The following CAMTA1 variants were observed in gnomAD, a reference collection of about 807,000 sequenced individuals.
The protein encoded by CAMTA1 is calmodulin-binding transcription activator 1.
In CAMTA1, 27 loss-of-function variants were observed where a neutral mutation model predicts 170.9. The observed-to-expected ratio is 0.16, with a 90% CI of 0.12 to 0.22. The LOEUF (loss-of-function observed/expected upper bound fraction) is 0.22. Ranked by LOEUF, CAMTA1 falls within the 10% of genes least tolerant of loss-of-function variation. CAMTA1 has a pLI of 1.00. For missense variants in CAMTA1, 1,619 were observed against 2,217.2 expected, an observed-to-expected ratio of 0.73 and a Z score of 5.42; for synonymous variants, 833 against 891.5, an observed-to-expected ratio of 0.93 and a Z score of 1.17.
At chr1:7,593,344 G>A (rs1202177119) in intron 6 of CAMTA1, among the ~76,000 whole-genome samples, 4 of 152,102 alleles carry the variant, frequency 2.6e-5, no homozygotes, top group African/African-American at 9.7e-5. Flanking sequence ...GTGACCCAGT[G>A]GGAAGAAGTA....
intron 1 of CAMTA1, among the ~76,000 whole-genome samples, chr1:6,812,436 G>T (rs982320725): frequency 6.6e-6 from 1 of 152,186 alleles, no homozygotes; most frequent in Non-Finnish European, 1.5e-5. Context: ...TGCCTAGTTT[G>T]TTGGGTTGAT....
At position 7,673,978 on chromosome 1, in the gene CAMTA1, C is replaced by T. The variant is rs2149249266; in HGVS notation, c.2779+2941C>T. Among the ~76,000 whole-genome samples, 1 of 152,240 alleles carries T rather than the reference C, an allele frequency of 6.6e-6. No homozygotes were observed. Among genetic ancestry groups the T allele is most frequent in the East Asian group, 1.9e-4 (1 of 5,156 alleles). On this transcript the variant is annotated intron_variant, in intron 10 of 22. Coordinates refer to ENST00000303635, the MANE Select transcript of CAMTA1 (RefSeq NM_015215.4). The surrounding 1 kb of genome is among the most constrained non-coding windows in gnomAD (Gnocchi z 4.6). The stretch of plus-strand genomic sequence containing the variant: ...ATGAATCACTGCTCCGGAGATGACG[C>T]TGGCTGCTTGGGGACCTCATCTTTG...
Position 7,655,239 on chromosome 1 carries a change from TAC to T in CAMTA1, c.665-6478_665-6477del, listed in dbSNP as rs556661237. Among the ~76,000 whole-genome samples, 474 of 120,218 alleles carry T rather than the reference TAC, an allele frequency of 3.9e-3. 5 individuals carry two copies. Among genetic ancestry groups the T allele is most frequent in the African/African-American group, 0.015 (433 of 29,854 alleles). 78.9% of individuals were successfully genotyped at this position (120,218 alleles called of 152,430 possible). A position where few individuals can be genotyped will look rare whatever the true frequency, so the allele number is the denominator to read the frequency against. ...ACCCATCTATACACACACACACCTA[TAC>T]ACACACACCTATACACACAGACCCA... On this transcript the variant is annotated intron_variant, in intron 7 of 22. Coordinates refer to ENST00000303635, the MANE Select transcript of CAMTA1 (RefSeq NM_015215.4).
At chr1:6,845,762 A>G (rs1205978083) in intron 3 of CAMTA1, among the ~76,000 whole-genome samples, 2 of 152,240 alleles carry the variant, frequency 1.3e-5, no homozygotes, top group Non-Finnish European at 2.9e-5. Context: ...CTGTTTGTTA[A>G]TGACAGACCT....
At chr1:7,460,593 GCCC>G (rs79831740) in intron 5 of CAMTA1, among the ~76,000 whole-genome samples, 1 of 149,596 alleles carries the variant, frequency 6.7e-6, no homozygotes, top group Non-Finnish European at 1.5e-5. Flanking sequence ...GGCTGTGACT[GCCC>G]CCCCCAACCC....
chr1:6,998,027 C>G (rs1424012868), intron 3 of CAMTA1, among the ~76,000 whole-genome samples: 1 of 151,978 alleles, frequency 6.6e-6, no homozygotes, highest in Non-Finnish European at 1.5e-5. Flanking sequence ...GGTAAGCTCC[C>G]TGTTGTGATC....
intron 6 of CAMTA1, among the ~76,000 whole-genome samples, chr1:7,499,149 T>C (rs1183446880): frequency 8.9e-6 from 1 of 112,078 alleles, no homozygotes; most frequent in Admixed American, 9.0e-5. Flanking sequence ...CGTGTGTACG[T>C]ATATGAGTGT....
At chr1:7,320,416 T>C (rs1331759988) in intron 5 of CAMTA1, among the ~76,000 whole-genome samples, 1 of 152,194 alleles carries the variant, frequency 6.6e-6, no homozygotes, top group Non-Finnish European at 1.5e-5. Context: ...ATGCTATGTA[T>C]CTGAGGCTGT....
At chr1:6,811,980 G>A (rs1483013336) in intron 1 of CAMTA1, among the ~76,000 whole-genome samples, 1 of 152,172 alleles carries the variant, frequency 6.6e-6, no homozygotes, top group East Asian at 1.9e-4. Context: ...ATGTTTGAGA[G>A]GCATGGAGGA....
At chr1:7,715,575 G>A (rs1275773796) in intron 11 of CAMTA1, among the ~76,000 whole-genome samples, 2 of 152,114 alleles carry the variant, frequency 1.3e-5, no homozygotes, top group East Asian at 3.9e-4. Flanking sequence ...TGGGATTACA[G>A]GTGTAGCCAC....
At chr1:6,815,480 A>G (rs1396224057) in intron 1 of CAMTA1, among the ~76,000 whole-genome samples, 1 of 152,230 alleles carries the variant, frequency 6.6e-6, no homozygotes, top group Non-Finnish European at 1.5e-5. Flanking sequence ...CTGGGATTAC[A>G]GGTGTGAGCC....
intron 4 of CAMTA1, among the ~76,000 whole-genome samples, chr1:7,222,141 C>T (rs759050690): frequency 6.6e-6 from 1 of 152,168 alleles, no homozygotes; most frequent in Non-Finnish European, 1.5e-5. Context: ...ATGGACCAAG[C>T]ACGATTTCCA....
At chr1:7,474,842 T>C (rs2093394396) in intron 6 of CAMTA1, among the ~76,000 whole-genome samples, 1 of 152,160 alleles carries the variant, frequency 6.6e-6, no homozygotes, top group Admixed American at 6.5e-5. Context: ...AACCCAAGTG[T>C]CTCCCCAGAA....
At chr1:7,337,617 T>A (rs1039901483) in intron 5 of CAMTA1, among the ~76,000 whole-genome samples, 5 of 151,240 alleles carry the variant, frequency 3.3e-5, no homozygotes, top group African/African-American at 1.2e-4. Flanking sequence ...CCAATCACAA[T>A]GTGGGCGGTG....
chr1:7,311,376 G>GCT (rs1676709638), intron 5 of CAMTA1, among the ~76,000 whole-genome samples: 1 of 151,924 alleles, frequency 6.6e-6, no homozygotes, highest in African/African-American at 2.4e-5. Context: ...TCACCATTTG[G>GCT]CTCTGTAGCC....
chr1:6,926,432 TC>T (rs1571774822), intron 3 of CAMTA1, among the ~76,000 whole-genome samples: 4 of 134,842 alleles, frequency 3.0e-5, no homozygotes, highest in East Asian at 2.1e-4. Context: ...TCTCTTTCTT[TC>T]TTTTCTCTTT....
Position 7,527,154 on chromosome 1 carries a change from T to G in CAMTA1, c.510+59253T>G, listed in dbSNP as rs182860237. Among the ~76,000 whole-genome samples, 64 of 151,502 alleles carry G rather than the reference T, an allele frequency of 4.2e-4. 1 individual carries two copies. The East Asian group carries it at 9.2e-3, about 22-fold the overall frequency. On this transcript the variant is annotated intron_variant, in intron 6 of 22. Transcript: ENST00000303635. ...AAGCCACCACTGACTGTAGCCACCA[T>G]GATCAGCTTTATATCTGATGATCTC... is the stretch of plus-strand genomic sequence containing the variant.
At chr1:7,277,235 A>G (rs1410798681) in intron 5 of CAMTA1, among the ~76,000 whole-genome samples, 1 of 152,238 alleles carries the variant, frequency 6.6e-6, no homozygotes, top group Non-Finnish European at 1.5e-5. Flanking sequence ...TACATATAGC[A>G]TAAGAATGAC....
At chr1:7,397,536 A>G (rs1027811715) in intron 5 of CAMTA1, among the ~76,000 whole-genome samples, 15 of 151,860 alleles carry the variant, frequency 9.9e-5, no homozygotes, top group East Asian at 1.9e-4. Context: ...TTTTATTGCT[A>G]TCTACTAATT....
Sources: gnomAD v4.1 joint callset for allele counts (sites outside exome capture counted in the v4.1 genomes callset) on GRCh38, gnomAD v4.1.1 for gene constraint, Gnocchi (gnomAD v3.1) non-coding constraint, MANE v1.5 for transcripts, NCBI Gene and HGNC (gene_info 2026-07-23, HGNC 2026-07-21) for gene names.